ZFAT: variants seen among roughly 807,000 people sequenced by gnomAD.
ZFAT encodes the protein zinc finger and AT-hook domain containing.
In ZFAT, 64 loss-of-function variants were observed where a neutral mutation model predicts 117.7. The observed-to-expected ratio is 0.54, with a 90% confidence interval of 0.44 to 0.67. ZFAT has a LOEUF of 0.67. Ranked by LOEUF, ZFAT falls within the 30% of genes least tolerant of loss-of-function variation. The pLI, the probability that ZFAT is intolerant of heterozygous loss-of-function variation, is 0.00. For synonymous variants in ZFAT, 679 were observed against 615.0 expected (o/e 1.10, Z -1.54); for missense variants, 1,433 against 1,584.5 (o/e 0.90, Z 1.62).
At chr8:134,587,404 T>G (rs1586759558) in intron 9 of ZFAT, among the ~76,000 whole-genome samples, 1 of 152,196 alleles carries the variant, frequency 6.6e-6, no homozygotes, top group South Asian at 2.1e-4. Flanking sequence ...GGTCTCTCTC[T>G]CCCTAATAGT....
At chr8:134,652,901 A>G (rs1465985393) in intron 2 of ZFAT, among the ~76,000 whole-genome samples, 2 of 152,218 alleles carry the variant, frequency 1.3e-5, no homozygotes, top group Non-Finnish European at 2.9e-5. Context: ...CCCTCTACAC[A>G]GCAATTCTCC....
At chr8:134,621,973 CTA>C (rs913212065) in intron 3 of ZFAT, among the ~76,000 whole-genome samples, 2 of 152,238 alleles carry the variant, frequency 1.3e-5, no homozygotes, top group African/African-American at 4.8e-5. Context: ...TTGGAACACT[CTA>C]AACTTATCTG....
chr8:134,502,500 CAT>C (rs1319353011), intron 15 of ZFAT, among the ~76,000 whole-genome samples: 2 of 152,214 alleles, frequency 1.3e-5, no homozygotes, highest in African/African-American at 4.8e-5. Flanking sequence ...TGGCAACCAA[CAT>C]ATGTCTTCCA....
chr8:134,540,224 GGAA>G (rs964565363), intron 11 of ZFAT, among the ~76,000 whole-genome samples: 1 of 152,172 alleles, frequency 6.6e-6, no homozygotes, highest in Non-Finnish European at 1.5e-5. Flanking sequence ...AGATGGGCTC[GGAA>G]GAAGGACAAG....
chr8:134,479,539 A>G (rs908899944), intron 15 of ZFAT, among the ~76,000 whole-genome samples: 15 of 152,236 alleles, frequency 9.9e-5, no homozygotes, highest in Admixed American at 9.2e-4. Context: ...ATGAGAAACA[A>G]AAGACATGGA....
intron 11 of ZFAT, among the ~76,000 whole-genome samples, chr8:134,545,707 G>T (rs986737478): frequency 5.3e-5 from 8 of 152,130 alleles, no homozygotes; most frequent in African/African-American, 1.9e-4. Context: ...CCTAATAATT[G>T]TCATTGAAGT....
At chr8:134,750,433 T>C in the ZFAT span, among the ~76,000 whole-genome samples, 2 of 152,184 alleles carry the variant, frequency 1.3e-5, no homozygotes, top group Admixed American at 1.3e-4. Flanking sequence ...TCTTGTGCCT[T>C]ATATTTATGT....
intron 9 of ZFAT, among the ~76,000 whole-genome samples, chr8:134,587,236 A>G (rs1329498807): frequency 6.6e-6 from 1 of 152,094 alleles, no homozygotes; most frequent in Non-Finnish European, 1.5e-5. Flanking sequence ...TGCCTTCTAC[A>G]AAGGATTCTG....
At chr8:134,544,411 A>G (rs1459812362) in intron 11 of ZFAT, among the ~76,000 whole-genome samples, 4 of 151,456 alleles carry the variant, frequency 2.6e-5, no homozygotes, top group Admixed American at 1.3e-4. Context: ...TCCTAACAAC[A>G]ACAACAAAAG....
chr8:134,706,600 G>C (rs1834157423), intron 1 of ZFAT, among the ~76,000 whole-genome samples: 1 of 152,180 alleles, frequency 6.6e-6, no homozygotes. Context: ...GCTGAGGCAG[G>C]AGAATTGCTG....
intron 2 of ZFAT, among the ~76,000 whole-genome samples, chr8:134,656,678 G>C (rs555667444): frequency 3.9e-5 from 6 of 152,336 alleles, no homozygotes; most frequent in African/African-American, 1.4e-4. Context: ...AATATTCCCA[G>C]GAAAGAGCCA....
the ZFAT span, among the ~76,000 whole-genome samples, chr8:134,781,348 T>C: frequency 6.6e-6 from 1 of 152,288 alleles, no homozygotes; most frequent in Middle Eastern, 3.4e-3. Context: ...TGGTATATAC[T>C]AGAAATCTAA....
At chr8:134,648,755 G>A (rs910707669) in intron 2 of ZFAT, among the ~76,000 whole-genome samples, 4 of 152,062 alleles carry the variant, frequency 2.6e-5, no homozygotes, top group Non-Finnish European at 4.4e-5. Flanking sequence ...CCAAAAAATA[G>A]AAGAGGAGGG....
chr8:134,670,554 T>C (rs1029247808), intron 1 of ZFAT, among the ~76,000 whole-genome samples: 2 of 152,194 alleles, frequency 1.3e-5, no homozygotes, highest in South Asian at 2.1e-4. Flanking sequence ...TTGAAACCAA[T>C]GAGAACAAAG....
intron 2 of ZFAT, among the ~76,000 whole-genome samples, chr8:134,653,989 A>G (rs1377916159): frequency 5.9e-5 from 9 of 152,216 alleles, no homozygotes; most frequent in Non-Finnish European, 1.2e-4. Flanking sequence ...ATATTGCTTT[A>G]ATTTTCTTTT....
chr8:134,639,639 A>C, intron 2 of ZFAT: 1 of 455,332 alleles, frequency 2.2e-6, no homozygotes, highest in South Asian at 1.6e-5. Context: ...GGTACAGAGT[A>C]AGAAACCATT....
Position 134,523,184 on chromosome 8 carries a change from C to CA in ZFAT, c.3116-2184_3116-2183insT, listed in dbSNP as rs1820786894. Among the ~76,000 whole-genome samples, 6 of 152,332 alleles carry CA rather than the reference C, an allele frequency of 3.9e-5. No homozygotes were observed. In the South Asian group the frequency reaches 1.0e-3, roughly 26 times the overall value. ...TGCAAGTACCACTCCACTGAACACTCTGTTCCTCCAGCCTCCACACCTTTA... is the reference window on the plus strand; with the variant it reads ...TGCAAGTACCACTCCACTGAACACTCATGTTCCTCCAGCCTCCACACCTTTA... On this transcript the variant is annotated intron_variant, in intron 12 of 15. Transcript: ENST00000377838.
intron 13 of ZFAT, 60 bp from the exon 14 acceptor site, chr8:134,512,661 C>A: frequency 6.4e-7 from 1 of 1,574,648 alleles, no homozygotes; most frequent in African/African-American, 1.4e-5. Flanking sequence ...CCCAGAAGTT[C>A]CAAGATAACA....
chr8:134,702,124 A>G (rs958307274), intron 1 of ZFAT, among the ~76,000 whole-genome samples: 2 of 152,194 alleles, frequency 1.3e-5, no homozygotes, highest in Admixed American at 6.5e-5. Flanking sequence ...CCCACCCAGC[A>G]AGAAGGCCCT....
Sources: allele counts gnomAD v4.1 joint callset (sites outside exome capture counted in the v4.1 genomes callset), GRCh38; gene constraint gnomAD v4.1.1; transcripts MANE v1.5; gene names NCBI Gene and HGNC (gene_info 2026-07-23, HGNC 2026-07-21).